Variants in CENPU observed in about 807,000 individuals in gnomAD.
The protein encoded by CENPU is KSHV latent nuclear antigen interacting protein 1.
Under a neutral mutation model 56.7 loss-of-function variants are expected in CENPU, and 46 were observed. The observed-to-expected ratio is 0.81, with a 90% CI of 0.64 to 1.04. The LOEUF is 1.04. Among genes scored for constraint, CENPU ranks in the 50% least tolerant of loss-of-function variants. CENPU has a pLI of 0.00. For synonymous variants in CENPU, 166 were observed against 163.0 expected, an observed-to-expected ratio of 1.02 and a Z score of -0.14; for missense variants, 510 against 490.1, an observed-to-expected ratio of 1.04 and a Z score of -0.38.
chr4:184,712,479 A>G (rs1030983046), intron 7 of CENPU, among the ~76,000 whole-genome samples: 1 of 152,232 alleles, frequency 6.6e-6, no homozygotes, highest in Non-Finnish European at 1.5e-5. Context: ...AAGACTTTAC[A>G]TGTTGACAGT....
chr4:184,725,611 C>A (rs927754485), intron 3 of CENPU, among the ~76,000 whole-genome samples: 19 of 152,168 alleles, frequency 1.2e-4, no homozygotes, highest in African/African-American at 4.3e-4. Context: ...GCATGAGAGA[C>A]CACTGCATTA....
intron 2 of CENPU, among the ~76,000 whole-genome samples, chr4:184,729,799 A>G (rs1346738537): frequency 6.6e-6 from 1 of 152,266 alleles, no homozygotes; most frequent in African/African-American, 2.4e-5. Context: ...TGATACACCC[A>G]TGAAGTCTGC....
At chr4:184,726,768 GTACA>G (rs1265976134) in intron 3 of CENPU, among the ~76,000 whole-genome samples, 1 of 151,946 alleles carries the variant, frequency 6.6e-6, no homozygotes, top group Non-Finnish European at 1.5e-5. Flanking sequence ...ATAAAATGTG[GTACA>G]TACAGACTGT....
At position 184,694,750 on chromosome 4, in the gene CENPU, G is replaced by T; in HGVS notation, c.*538C>A. 6.2e-7 allele frequency: 1 copy of T among 1,612,212 alleles called. No individual in the cohort carries two copies. The highest frequency in any genetic ancestry group is 1.1e-5 in the South Asian group (1 of 91,036). On this transcript the variant is annotated 3_prime_UTR_variant, in exon 13 of 13. Transcript: ENST00000281453. ...CAGTGAAGTGGATGAAATTCCTGAT[G>T]AACTAATTATAGAAGTATTACAAGA...
intron 2 of CENPU, among the ~76,000 whole-genome samples, chr4:184,730,440 T>C (rs1761598570): frequency 6.6e-6 from 1 of 151,132 alleles, no homozygotes; most frequent in Non-Finnish European, 1.5e-5. Context: ...ACACTGTTAA[T>C]GTGAGATTAC....
chr4:184,711,209 C>T (rs902285790), intron 7 of CENPU, among the ~76,000 whole-genome samples: 1 of 152,078 alleles, frequency 6.6e-6, no homozygotes, highest in African/African-American at 2.4e-5. Context: ...ACTCTTCTTC[C>T]GTAATTAATT....
rs1187087455 is a variant in CENPU, at chr4:184,702,088, C to T, written c.924+1G>A. ...TGACTCTAATCACATAAATAATTTA[C>T]CTTAGCATTCTTCCTTTTCAGATTT... On this transcript the variant is annotated splice_donor_variant, in intron 10 of 12. Coordinates refer to ENST00000281453, the MANE Select transcript of CENPU (RefSeq NM_024629.4). LOFTEE classifies it high-confidence loss of function. 2 of 1,597,372 alleles carry T rather than the reference C, an allele frequency of 1.3e-6. No homozygotes were observed. Among genetic ancestry groups the T allele is most frequent in the Non-Finnish European group, 1.7e-6 (2 of 1,166,164 alleles).
Position 184,720,479 on chromosome 4 carries a change from A to G in CENPU, c.321-3283T>C, listed in dbSNP as rs564992237. On this transcript the variant is annotated intron_variant, in intron 4 of 12. Transcript: ENST00000281453. ...TAGAAAGTTTATTCAAAAACGTAGT[A>G]ACAGAGAACTTCCTAAACCAGAGAA... Among the ~76,000 whole-genome samples, 3 of 152,180 alleles carry G rather than the reference A, an allele frequency of 2.0e-5. No individual in the cohort carries two copies. In the South Asian group the frequency reaches 6.2e-4, roughly 32 times the overall value.
intron 2 of CENPU, 136 bp from the exon 3 acceptor site, chr4:184,729,171 C>T: frequency 1.5e-6 from 1 of 659,200 alleles, no homozygotes; most frequent in South Asian, 1.9e-5. Flanking sequence ...GATTCACTAC[C>T]TACCCTGATT....
At chr4:184,715,548 C>G (rs2003993) in intron 6 of CENPU, among the ~76,000 whole-genome samples, 27,120 of 152,040 alleles carry the variant, frequency 0.18, 2,716 homozygotes, top group African/African-American at 0.26. Context: ...CCTGACCTCA[C>G]GTGATCTGCC....
At chr4:184,702,545 CT>C (rs1054525041) in intron 8 of CENPU, 104 bp from the exon 9 acceptor site, 14 of 675,032 alleles carry the variant, frequency 2.1e-5, no homozygotes, top group East Asian at 6.0e-5. Context: ...TGGCATATAC[CT>C]TTTTTTATTT....
At position 184,700,871 on chromosome 4, in the gene CENPU, T is replaced by A. The variant is rs1760511553; in HGVS notation, c.935A>T (p.Asp312Val). The A allele has an allele frequency of 6.2e-7, 1 of 1,612,106 alleles. No individual in the cohort carries two copies. Among genetic ancestry groups the A allele is most frequent in the African/African-American group, 1.3e-5 (1 of 74,894 alleles). Residue 312 changes from aspartate to valine, a missense_variant, in exon 11 of 13, where the codon GAT (aspartate) becomes GTT (valine). Physicochemically the swap from Asp to Val is radical, Grantham distance 152. Coordinates refer to ENST00000281453, the MANE Select transcript of CENPU (RefSeq NM_024629.4). Reference sequence around the variant, plus strand: ...CATACGCTGCCTTTTCTTTTCGATATCTGAAATCATCTAAGTAACACAATC... The same window carrying A: ...CATACGCTGCCTTTTCTTTTCGATAACTGAAATCATCTAAGTAACACAATC... ...LKRKNAKMIS[D>V]IEKKRQRMIE... is the part of the protein sequence containing the mutation.
chr4:184,731,015 A>C, intron 1 of CENPU, 47 bp from the exon 2 acceptor site: 1 of 1,343,374 alleles, frequency 7.4e-7, no homozygotes, highest in South Asian at 1.3e-5. Flanking sequence ...AGTTAAAATA[A>C]CTGAGGAAAC....
chr4:184,699,730 G>A (rs895147412), intron 11 of CENPU: 13 of 710,148 alleles, frequency 1.8e-5, no homozygotes, highest in African/African-American at 5.7e-5. Flanking sequence ...GCACAATCTC[G>A]GCTCCCTGCA....
chr4:184,713,479 C>A (rs1418721001), intron 6 of CENPU, among the ~76,000 whole-genome samples: 1 of 152,182 alleles, frequency 6.6e-6, no homozygotes, highest in East Asian at 1.9e-4. Flanking sequence ...TACAAGGAAG[C>A]ATTGCAAACA....
intron 4 of CENPU, among the ~76,000 whole-genome samples, chr4:184,718,868 G>A (rs1000805006): frequency 1.2e-4 from 19 of 152,284 alleles, no homozygotes; most frequent in African/African-American, 4.6e-4. Flanking sequence ...TTTTGCCTTT[G>A]TTGAGTGAGG....
rs1043953766 is a variant in CENPU, at chr4:184,733,325, C to G, written c.47+691G>C. 7 of 986,194 alleles carry G rather than the reference C, an allele frequency of 7.1e-6. No individual in the cohort carries two copies. The African/African-American group carries it at 1.0e-4, about 15-fold the overall frequency. 61.1% of individuals were successfully genotyped at this position (986,194 alleles called of 1,614,324 possible). On this transcript the variant is annotated intron_variant, in intron 1 of 12. Coordinates refer to ENST00000281453, the MANE Select transcript of CENPU (RefSeq NM_024629.4). Reference sequence around the variant, plus strand: ...CCTCCTCCAGGCAGCCTTCCCAGGCCCGGGGGAACTCCTGTTCTCTTCAGA... The same window carrying G: ...CCTCCTCCAGGCAGCCTTCCCAGGCGCGGGGGAACTCCTGTTCTCTTCAGA...
At position 184,709,696 on chromosome 4, in the gene CENPU, A is replaced by G. The variant is rs572799281; in HGVS notation, c.797+376T>C. Among the ~76,000 whole-genome samples the G allele has an allele frequency of 2.0e-5, 3 of 152,112 alleles. No individual in the cohort carries two copies. The East Asian group carries it at 5.8e-4, about 29-fold the overall frequency. ...CAAATGAATAGAAGTACCAAGAAAA[A>G]CTGAACATAGATCCAATAATTAGAG... On this transcript the variant is annotated intron_variant, in intron 8 of 12. Transcript: ENST00000281453.
rs1166211197 is a variant in CENPU at position 184,716,558 on chromosome 4, A to G, written c.457T>C (p.Ser153Pro). The G allele has an allele frequency of 5.6e-6, 9 of 1,614,072 alleles. No homozygotes were observed. Among genetic ancestry groups the G allele is most frequent in the Non-Finnish European group, 7.6e-6 (9 of 1,180,042 alleles). The change falls in exon 6 of 13, where the codon TCA becomes CCA. Residue 153 changes from serine (S) to proline (P), a missense_variant. Ser to Pro is a moderately conservative substitution (Grantham distance 74). Transcript: ENST00000281453. ...EESDTRRKVK[S>P]AEKISTQRHE... The stretch of plus-strand genomic sequence containing the variant: ...CGTTGTGTACTTATTTTCTCTGCTG[A>G]TTTAACTTTTCTCCTTGTATCACTT...
Sources: allele counts gnomAD v4.1 joint callset (sites outside exome capture counted in the v4.1 genomes callset), GRCh38; gene constraint gnomAD v4.1.1; transcripts MANE v1.5; gene names NCBI Gene and HGNC (gene_info 2026-07-23, HGNC 2026-07-21).